Variants in AGFG2 observed in about 807,000 individuals in gnomAD.
AGFG2 encodes ArfGAP with FG repeats 2, also known as arf-GAP domain and FG repeat-containing protein 2.
A neutral mutation model predicts 48.0 loss-of-function variants in AGFG2; 31 were observed. That is an observed-to-expected ratio of 0.65 (90% confidence interval 0.49 to 0.87). AGFG2 has a LOEUF of 0.87. Among genes scored for constraint, AGFG2 ranks in the 40% least tolerant of loss-of-function variants. The pLI, the probability that AGFG2 is intolerant of heterozygous loss-of-function variation, is 0.00. For missense variants in AGFG2, 599 were observed against 632.6 expected (o/e 0.95, Z 0.57); for synonymous variants, 229 against 260.8 (o/e 0.88, Z 1.18).
rs751312712 is a variant in AGFG2 at position 100,562,287 on chromosome 7, C to A, written c.906C>A (p.Ala302=). 17 of 1,613,844 alleles carry A rather than the reference C, an allele frequency of 1.1e-5. No individual in the cohort carries two copies. The highest frequency in any genetic ancestry group is 1.7e-5 in the Admixed American group (1 of 59,998). The part of the protein sequence containing the change: ...AGSSQGTPFG[A]TPLAPASQPN... ...GCAGCCAGGGGACTCCATTTGGTGCCACTCCCCTGGCACCCGCCAGTCAGC... is the reference window on the plus strand; with the variant it reads ...GCAGCCAGGGGACTCCATTTGGTGCAACTCCCCTGGCACCCGCCAGTCAGC... The change falls in exon 7 of 12, where the codon GCC becomes GCA. Residue 302 remains alanine (A), a synonymous_variant. Transcript: ENST00000300176. The surrounding 1 kb of genome is among the most constrained non-coding windows in gnomAD (Gnocchi z 5.4).
At position 100,565,279 on chromosome 7, in the gene AGFG2, T is replaced by G; in HGVS notation, c.*288T>G. On this transcript the variant is annotated 3_prime_UTR_variant, in exon 12 of 12. Transcript: ENST00000300176. ...GGAGGGATTTTTTTCAAATGATCAG[T>G]CCCCTGTGGAACAGCTCTTCCCTGG... The G allele has an allele frequency of 4.0e-6, 2 of 500,474 alleles. No homozygotes were observed. The highest frequency in any genetic ancestry group is 4.3e-5 in the South Asian group (2 of 46,684). The allele number at this position is 500,474 out of a possible 1,614,324, so 31.0% of individuals were successfully genotyped here. A position where few individuals can be genotyped will look rare whatever the true frequency, so the allele number is the denominator to read the frequency against.
At chr7:100,539,840 G>T (rs1438625841) in intron 1 of AGFG2, among the ~76,000 whole-genome samples, 1 of 152,062 alleles carries the variant, frequency 6.6e-6, no homozygotes, top group Non-Finnish European at 1.5e-5. Flanking sequence ...GAAACTCCCC[G>T]AGGGGGTCGA....
At chr7:100,555,842 G>A in intron 6 of AGFG2, 107 bp downstream of exon 6, 1 of 1,464,106 alleles carries the variant, frequency 6.8e-7, no homozygotes, top group Non-Finnish European at 9.2e-7. Context: ...GCTCAAAGCA[G>A]CAAAGCACAA....
intron 10 of AGFG2, 100 bp from the exon 11 acceptor site, chr7:100,564,118 G>A: frequency 6.5e-7 from 1 of 1,533,728 alleles, no homozygotes; most frequent in Non-Finnish European, 8.9e-7. Context: ...TACTTCCACT[G>A]CTCTGTTCCC....
In AGFG2 at chr7:100,566,655, GCCTC is replaced by G. The variant is rs1416854526; in HGVS notation, c.*1668_*1671del. ...GCTGCTATTTGCAAGGCTGGGATTG[GCCTC>G]CCTGTCTTTTCCAACAATCAGGACC... On this transcript the variant is annotated 3_prime_UTR_variant, in exon 12 of 12. Coordinates refer to ENST00000300176, the MANE Select transcript of AGFG2 (RefSeq NM_006076.5). 1 of 152,204 alleles carries G rather than the reference GCCTC, an allele frequency of 6.6e-6. No individual in the cohort carries two copies. Among genetic ancestry groups the G allele is most frequent in the Non-Finnish European group, 1.5e-5 (1 of 68,068 alleles). The allele number at this position is 152,204 out of a possible 1,614,324, so 9.4% of individuals were successfully genotyped here.
In AGFG2 at chr7:100,555,479, A is replaced by C. The variant is rs191382892; in HGVS notation, c.752-131A>C. On this transcript the variant is annotated intron_variant, in intron 5 of 11. Coordinates refer to ENST00000300176, the MANE Select transcript of AGFG2 (RefSeq NM_006076.5). The stretch of plus-strand genomic sequence containing the variant: ...AGTAGAGACAGATTTCACCATGTTG[A>C]CCAGGCTGGTCTTGAACTTCTGACC... 148 of 942,876 alleles carry C rather than the reference A, an allele frequency of 1.6e-4. 2 individuals carry two copies. In the East Asian group the frequency reaches 4.0e-3, roughly 26 times the overall value. The allele number at this position is 942,876 out of a possible 1,614,324, so 58.4% of individuals were successfully genotyped here.
At chr7:100,564,499 G>A (rs1378631806) in intron 11 of AGFG2, among the ~76,000 whole-genome samples, 196 bp downstream of exon 11, 1 of 151,848 alleles carries the variant, frequency 6.6e-6, no homozygotes, top group Non-Finnish European at 1.5e-5. Flanking sequence ...CCCTGCCCTT[G>A]GCTCCCTTCT....
At chr7:100,564,611 C>G (rs1296931649) in intron 11 of AGFG2, among the ~76,000 whole-genome samples, 1 of 151,320 alleles carries the variant, frequency 6.6e-6, no homozygotes, top group Non-Finnish European at 1.5e-5. Context: ...TCAAGCAATT[C>G]TCCTGCCTCA....
intron 3 of AGFG2, among the ~76,000 whole-genome samples, chr7:100,551,066 ATTTCTTT>A (rs1311588768): frequency 5.7e-5 from 4 of 69,712 alleles, no homozygotes; most frequent in African/African-American, 1.9e-4. Context: ...ATATATATAT[ATTTCTTT>A]TTTTTTTTTT....
At chr7:100,543,454 C>T (rs1180841865) in intron 1 of AGFG2, among the ~76,000 whole-genome samples, 1 of 152,182 alleles carries the variant, frequency 6.6e-6, no homozygotes, top group African/African-American at 2.4e-5. Context: ...AGAAAGGAGA[C>T]AGCAGGATGA....
Position 100,553,336 on chromosome 7 carries a change from C to T in AGFG2, c.432-11C>T, listed in dbSNP as rs1222172334. On this transcript the variant is annotated splice_polypyrimidine_tract_variant and intron_variant, in intron 3 of 11. Coordinates refer to ENST00000300176, the MANE Select transcript of AGFG2 (RefSeq NM_006076.5). ...TCCCTCTCTTTACAGCCTAACTATTCTTTCTCAAAGGTATGTCCCCCCAGA... is the reference window on the plus strand; with the variant it reads ...TCCCTCTCTTTACAGCCTAACTATTTTTTCTCAAAGGTATGTCCCCCCAGA... 6.2e-7 allele frequency: 1 copy of T among 1,614,164 alleles called. No individual in the cohort carries two copies. The highest frequency in any genetic ancestry group is 1.3e-5 in the African/African-American group (1 of 75,052).
At position 100,567,218 on chromosome 7, in the gene AGFG2, C is replaced by T. The variant is rs964629447; in HGVS notation, c.*2227C>T. 1.1e-4 allele frequency: 17 copies of T among 152,648 alleles called. No homozygotes were observed. The highest frequency in any genetic ancestry group is 4.1e-4 in the African/African-American group (17 of 41,474). The allele number at this position is 152,648 out of a possible 1,614,324, so 9.5% of individuals were successfully genotyped here. On this transcript the variant is annotated 3_prime_UTR_variant, in exon 12 of 12. Transcript: ENST00000300176. The stretch of plus-strand genomic sequence containing the variant: ...CAGGCTGACACTAGGAGCTGCTCTC[C>T]TTGGCCGGGGACAGCTCCAGCAGCT...
chr7:100,544,263 T>TA (rs1480784942), intron 1 of AGFG2, among the ~76,000 whole-genome samples: 1 of 152,186 alleles, frequency 6.6e-6, no homozygotes, highest in Non-Finnish European at 1.5e-5. Flanking sequence ...GTGTTTGTAA[T>TA]AGACACTTAT....
rs758596353 is a variant in AGFG2, at chr7:100,550,436, C to T, written c.356C>T (p.Thr119Ile). Reference protein sequence around the residue: ...KIWLGLFDARTSLVPDSRDPQ... With the variant: ...KIWLGLFDARISLVPDSRDPQ... ...TGGTTGGGTCTGTTTGATGCTCGGA[C>T]ATCTTTAGTACCAGATTCCAGGGAT... The change falls in exon 3 of 12, where the codon ACA becomes ATA. Residue 119 changes from threonine to isoleucine, a missense_variant. Transcript: ENST00000300176. The T allele has an allele frequency of 3.1e-6, 5 of 1,613,734 alleles. No homozygotes were observed. In the South Asian group the frequency reaches 3.3e-5, roughly 11 times the overall value.
chr7:100,550,637 C>A (rs1392127151), intron 3 of AGFG2, 126 bp downstream of exon 3: 3 of 662,596 alleles, frequency 4.5e-6, no homozygotes, highest in African/African-American at 3.7e-5. Context: ...CTGTTCCACT[C>A]ACATTCAGTT....
Position 100,562,187 on chromosome 7 carries a change from C to A in AGFG2, c.878-72C>A. The A allele has an allele frequency of 6.4e-7, 1 of 1,560,286 alleles. No homozygotes were observed. Reference sequence around the variant, plus strand: ...CTCCAATCCATCACCACCACCACCTCCATCTGCTCTCCTGCCCCTCCCGCC... The same window carrying A: ...CTCCAATCCATCACCACCACCACCTACATCTGCTCTCCTGCCCCTCCCGCC... On this transcript the variant is annotated intron_variant, in intron 6 of 11. Coordinates refer to ENST00000300176, the MANE Select transcript of AGFG2 (RefSeq NM_006076.5). The surrounding 1 kb of genome is among the most constrained non-coding windows in gnomAD (Gnocchi z 5.4).
At chr7:100,556,459 G>T in intron 6 of AGFG2, 2 of 613,318 alleles carry the variant, frequency 3.3e-6, no homozygotes, top group Non-Finnish European at 4.8e-6. Context: ...TTCTGCCATT[G>T]GACATCCTGG....
chr7:100,549,272 G>A (rs1408360743), intron 2 of AGFG2, among the ~76,000 whole-genome samples: 2 of 152,096 alleles, frequency 1.3e-5, no homozygotes, highest in Non-Finnish European at 2.9e-5. Context: ...CTTCAGCCTC[G>A]ACAACCTGGA....
At chr7:100,551,033 TATATATATATATATATA>T (rs1800622849) in intron 3 of AGFG2, among the ~76,000 whole-genome samples, 2 of 38,174 alleles carry the variant, frequency 5.2e-5, no homozygotes, top group Admixed American at 2.1e-4. Context: ...GGCTAATTTA[TATATATATATATATATA>T]TATATATATA....
Sources: allele counts gnomAD v4.1 joint callset (sites outside exome capture counted in the v4.1 genomes callset), GRCh38; gene constraint gnomAD v4.1.1; non-coding constraint Gnocchi (gnomAD v3.1); transcripts MANE v1.5; gene names NCBI Gene and HGNC (gene_info 2026-07-23, HGNC 2026-07-21).